Variants in LDLRAD4 observed in about 807,000 individuals in gnomAD.
LDLRAD4 encodes the protein low-density lipoprotein receptor class A domain-containing protein 4.
A neutral mutation model predicts 17.0 loss-of-function variants in LDLRAD4; 5 were observed. The ratio of observed to expected loss-of-function variants is 0.29; its 90% CI spans 0.15 to 0.62. The LOEUF is 0.62. Ranked by LOEUF, LDLRAD4 falls within the 20% of genes least tolerant of loss-of-function variation. The pLI, the probability that LDLRAD4 is intolerant of heterozygous loss-of-function variation, is 0.84. For missense variants in LDLRAD4, 340 were observed against 424.7 expected (o/e 0.80, Z 1.75); for synonymous variants, 168 against 171.8 (o/e 0.98, Z 0.17).
At chr18:13,399,206 A>AG (rs2086953277) in intron 2 of LDLRAD4, among the ~76,000 whole-genome samples, 1 of 152,018 alleles carries the variant, frequency 6.6e-6, no homozygotes, top group African/African-American at 2.4e-5. Flanking sequence ...CAAAAAAAAG[A>AG]GAAAAAAAAG....
At chr18:13,538,837 A>T (rs2094236565) in intron 3 of LDLRAD4, among the ~76,000 whole-genome samples, 1 of 152,176 alleles carries the variant, frequency 6.6e-6, no homozygotes, top group Non-Finnish European at 1.5e-5. Flanking sequence ...TATGACTCTT[A>T]CTGGGAATAA....
At chr18:13,507,927 T>TCAAACCAGCCACAACATTCCC (rs2093720086) in intron 3 of LDLRAD4, among the ~76,000 whole-genome samples, 5 of 152,082 alleles carry the variant, frequency 3.3e-5, no homozygotes, top group African/African-American at 1.2e-4. Flanking sequence ...GGAAGGCAGG[T>TCAAACCAGCCACAACATTCCC]TGAAAGCCTG....
chr18:13,589,054 G>A (rs919297140), intron 3 of LDLRAD4, among the ~76,000 whole-genome samples: 2 of 151,464 alleles, frequency 1.3e-5, no homozygotes, highest in East Asian at 2.0e-4. Context: ...TCAGCCTCCC[G>A]AGTAGCTGGG....
At chr18:13,448,037 C>T (rs984582358) in intron 3 of LDLRAD4, among the ~76,000 whole-genome samples, 1 of 152,192 alleles carries the variant, frequency 6.6e-6, no homozygotes, top group Non-Finnish European at 1.5e-5. Context: ...CCCGCTGTTA[C>T]TGATCAATTT....
chr18:13,412,515 C>T (rs988315944), intron 2 of LDLRAD4, among the ~76,000 whole-genome samples: 4 of 152,178 alleles, frequency 2.6e-5, no homozygotes, highest in Non-Finnish European at 5.9e-5. Flanking sequence ...ACTTCTCTCT[C>T]ATCCATTCAT....
intron 3 of LDLRAD4, chr18:13,514,482 C>T (rs1439351642): frequency 1.3e-5 from 2 of 152,252 alleles, no homozygotes; most frequent in East Asian, 1.9e-4. Context: ...ATATCCGAGT[C>T]AGGTGGGCCT....
chr18:13,447,075 G>T (rs1251771125), intron 3 of LDLRAD4, among the ~76,000 whole-genome samples: 2 of 152,234 alleles, frequency 1.3e-5, no homozygotes. Flanking sequence ...CATGTTCAAT[G>T]AATCAGGCTG....
intron 2 of LDLRAD4, among the ~76,000 whole-genome samples, chr18:13,429,888 T>G (rs930502198): frequency 6.6e-6 from 1 of 152,186 alleles, no homozygotes; most frequent in South Asian, 2.1e-4. Flanking sequence ...CACTTTATCA[T>G]AGGAATCTAG....
chr18:13,418,936 T>C (rs1600121513), intron 2 of LDLRAD4, among the ~76,000 whole-genome samples: 1 of 152,194 alleles, frequency 6.6e-6, no homozygotes, highest in East Asian at 1.9e-4. Flanking sequence ...TATAAATGAA[T>C]ACATAGATGA....
intron 4 of LDLRAD4, among the ~76,000 whole-genome samples, chr18:13,625,711 C>T (rs1416066428): frequency 7.5e-6 from 1 of 133,082 alleles, no homozygotes; most frequent in Admixed American, 7.5e-5. Flanking sequence ...CCAGAGGCCT[C>T]CTCCCCCTGC....
At chr18:13,315,574 C>T (rs1003480066) in intron 1 of LDLRAD4, among the ~76,000 whole-genome samples, 9 of 152,142 alleles carry the variant, frequency 5.9e-5, no homozygotes, top group Non-Finnish European at 1.0e-4. Flanking sequence ...CACCTGAGGT[C>T]GGGAGTTCAA....
chr18:13,395,909 C>T (rs969068485), intron 2 of LDLRAD4, among the ~76,000 whole-genome samples: 11 of 152,230 alleles, frequency 7.2e-5, no homozygotes, highest in Middle Eastern at 3.4e-3. Context: ...TTCAGCCCTG[C>T]CACCTGCCTG....
intron 3 of LDLRAD4, among the ~76,000 whole-genome samples, chr18:13,467,403 CT>C (rs1291625625): frequency 1.3e-5 from 2 of 152,100 alleles, no homozygotes; most frequent in Non-Finnish European, 2.9e-5. Flanking sequence ...TAAATTAGCT[CT>C]AAAAGAATAA....
chr18:13,471,380 G>C (rs141289795), intron 3 of LDLRAD4: 2 of 152,226 alleles, frequency 1.3e-5, no homozygotes, highest in African/African-American at 4.8e-5. Context: ...ACAGCACAGC[G>C]TGTCACAGTG....
intron 3 of LDLRAD4, among the ~76,000 whole-genome samples, chr18:13,588,700 G>T (rs1259459407): frequency 2.0e-5 from 3 of 151,932 alleles, no homozygotes; most frequent in Non-Finnish European, 4.4e-5. Flanking sequence ...TTTGGCCTCT[G>T]TGTTCTTAGG....
chr18:13,612,403 C>G (rs1483429105), intron 3 of LDLRAD4: 4 of 1,211,050 alleles, frequency 3.3e-6, no homozygotes, highest in Admixed American at 3.9e-5. Flanking sequence ...GGCTTCCTGC[C>G]GCAGAGCTCC....
At chr18:13,280,084 T>C (rs2045162925) in intron 1 of LDLRAD4, 1 of 152,288 alleles carries the variant, frequency 6.6e-6, no homozygotes, top group Non-Finnish European at 1.5e-5. Flanking sequence ...TGTGCCTGTC[T>C]CCTTGTACAG....
rs2084147365 is a variant in LDLRAD4, at chr18:13,367,545, T to C, written c.-382-19796T>C. Among the ~76,000 whole-genome samples the C allele has an allele frequency of 6.6e-6, 1 of 152,142 alleles. No homozygotes were observed. The highest frequency in any genetic ancestry group is 2.4e-5 in the African/African-American group (1 of 41,438). ...AGGCGGAGAGCCAGGGCCCGGGTGC[T>C]GCAGCAAGGCGGCTGTGGCAGTGCC... is the stretch of plus-strand genomic sequence containing the variant. On this transcript the variant is annotated intron_variant, in intron 1 of 5. Transcript: ENST00000359446. The surrounding 1 kb of genome is among the most constrained non-coding windows in gnomAD (Gnocchi z 4.1).
intron 3 of LDLRAD4, among the ~76,000 whole-genome samples, chr18:13,490,981 T>C (rs993542666): frequency 6.6e-6 from 1 of 152,170 alleles, no homozygotes; most frequent in Non-Finnish European, 1.5e-5. Context: ...GAAATTAACC[T>C]CAGAGTGAAT....
Sources: allele counts gnomAD v4.1 joint callset (sites outside exome capture counted in the v4.1 genomes callset), GRCh38; gene constraint gnomAD v4.1.1; non-coding constraint Gnocchi (gnomAD v3.1); transcripts MANE v1.5; gene names NCBI Gene and HGNC (gene_info 2026-07-23, HGNC 2026-07-21).